CNTNAP3B: variants seen among roughly 807,000 people sequenced by gnomAD.
CNTNAP3B encodes the protein contactin associated protein family member 3B, also known as contactin-associated protein-like 3B.
A neutral mutation model predicts 108.9 loss-of-function variants in CNTNAP3B; 25 were observed. The observed-to-expected ratio is 0.23, with a 90% CI of 0.17 to 0.32. The LOEUF (loss-of-function observed/expected upper bound fraction) is 0.32, where lower values mean the gene tolerates loss of function less well. Ranked by LOEUF, CNTNAP3B falls within the 10% of genes least tolerant of loss-of-function variation. The pLI is 1.00. For synonymous variants in CNTNAP3B, 103 were observed against 473.4 expected (o/e 0.22, Z 10.16); for missense variants, 252 against 1,210.4 (o/e 0.21, Z 11.75).
At chr9:41,966,665 T>C (rs1460967965) in intron 10 of CNTNAP3B, among the ~76,000 whole-genome samples, 1 of 152,282 alleles carries the variant, frequency 6.6e-6, no homozygotes, top group African/African-American at 2.4e-5. Flanking sequence ...AAGAGGTGAT[T>C]AAGAAGTTAA....
intron 13 of CNTNAP3B, among the ~76,000 whole-genome samples, chr9:41,948,305 A>G (rs1271875330): frequency 7.9e-5 from 12 of 152,074 alleles, no homozygotes; most frequent in African/African-American, 2.9e-4. Flanking sequence ...TTGGCCAGGC[A>G]GGTCTCGAAC....
At chr9:41,955,937 C>A (rs1184388011) in intron 12 of CNTNAP3B, among the ~76,000 whole-genome samples, 1 of 152,170 alleles carries the variant, frequency 6.6e-6, no homozygotes, top group Admixed American at 6.5e-5. Context: ...ACCTACTGAA[C>A]CTAGCTCAAA....
intron 14 of CNTNAP3B, among the ~76,000 whole-genome samples, chr9:41,932,461 G>A (rs1824005825): frequency 2.0e-5 from 3 of 151,578 alleles, no homozygotes; most frequent in Admixed American, 2.0e-4. Flanking sequence ...AAGTTTGGGA[G>A]GTTGCAAAGA....
rs1454893627 is a variant in CNTNAP3B at position 42,123,793 on chromosome 9, A to G, written c.85+5217T>C. The stretch of plus-strand genomic sequence containing the variant: ...TTCCTGGAAAAATATACTATTATAC[A>G]TATATATTATATATTCAAAACTCCG... On this transcript the variant is annotated intron_variant, in intron 1 of 23. Coordinates refer to ENST00000377561, the MANE Select transcript of CNTNAP3B (RefSeq NM_001201380.3). 4.5e-5 allele frequency among the ~76,000 whole-genome samples: 6 copies of G among 134,490 alleles called. 2 individuals carry two copies. The highest frequency in any genetic ancestry group is 9.4e-5 in the Non-Finnish European group (6 of 63,728). 88.2% of individuals were successfully genotyped at this position (134,490 alleles called of 152,430 possible).
chr9:41,940,751 C>A (rs1824316291), intron 13 of CNTNAP3B, among the ~76,000 whole-genome samples: 1 of 152,024 alleles, frequency 6.6e-6, no homozygotes, highest in Admixed American at 6.5e-5. Context: ...GGAGGCGGAG[C>A]CTGCAGTGAG....
At chr9:41,931,242 T>G (rs1823969774) in intron 14 of CNTNAP3B, among the ~76,000 whole-genome samples, 1 of 152,288 alleles carries the variant, frequency 6.6e-6, no homozygotes, top group South Asian at 2.1e-4. Flanking sequence ...TGTGCTATTT[T>G]GATACTAGAA....
intron 1 of CNTNAP3B, among the ~76,000 whole-genome samples, chr9:42,120,754 T>C (rs538154395): frequency 8.6e-6 from 1 of 116,830 alleles, no homozygotes; most frequent in East Asian, 2.7e-4. Flanking sequence ...TTCTCACTCA[T>C]AGGTGGGAAC....
intron 18 of CNTNAP3B, among the ~76,000 whole-genome samples, chr9:41,912,985 A>T: frequency 3.2e-5 from 1 of 31,536 alleles, no homozygotes; most frequent in Admixed American, 3.6e-4. Context: ...TGGTTTTTCT[A>T]TTTCTCTTTT....
intron 3 of CNTNAP3B, among the ~76,000 whole-genome samples, chr9:42,041,330 T>C (rs1373097576): frequency 6.7e-6 from 1 of 149,548 alleles, no homozygotes; most frequent in Non-Finnish European, 1.5e-5. Context: ...ATTTTTGCAA[T>C]CTACCCATCT....
At chr9:42,126,957 T>A (rs1388996690) in intron 1 of CNTNAP3B, among the ~76,000 whole-genome samples, 1 of 138,662 alleles carries the variant, frequency 7.2e-6, no homozygotes, top group Non-Finnish European at 1.5e-5. Flanking sequence ...GAAAACCAGC[T>A]GTGAATAACG....
rs1482311164 is a variant in CNTNAP3B, at chr9:41,971,017, A to G, written c.1478-772T>C. 1.1e-4 allele frequency among the ~76,000 whole-genome samples: 16 copies of G among 151,306 alleles called. No individual in the cohort carries two copies. The East Asian group carries it at 2.1e-3, about 20-fold the overall frequency. On this transcript the variant is annotated intron_variant, in intron 9 of 23. Coordinates refer to ENST00000377561, the MANE Select transcript of CNTNAP3B (RefSeq NM_001201380.3). Reference sequence around the variant, plus strand: ...TAGACATTTGATTATTTCCAATATTAGAAGTTAAATATTAAAAATTTCACT... The same window carrying G: ...TAGACATTTGATTATTTCCAATATTGGAAGTTAAATATTAAAAATTTCACT...
Position 42,128,201 on chromosome 9 carries a change from A to G in CNTNAP3B, c.85+809T>C, listed in dbSNP as rs1321915318. ...TGTAAACATTTTTATGTGTGATAAA[A>G]TATGGGTACATTATGTTTTGCTCAT... On this transcript the variant is annotated intron_variant, in intron 1 of 23. Coordinates refer to ENST00000377561, the MANE Select transcript of CNTNAP3B (RefSeq NM_001201380.3). 4.3e-5 allele frequency among the ~76,000 whole-genome samples: 6 copies of G among 140,184 alleles called. 2 individuals are homozygous for G. The highest frequency in any genetic ancestry group is 9.2e-5 in the Non-Finnish European group (6 of 65,224). 92.0% of individuals were successfully genotyped at this position (140,184 alleles called of 152,430 possible).
intron 3 of CNTNAP3B, among the ~76,000 whole-genome samples, chr9:42,068,037 G>A (rs1827311588): frequency 7.2e-6 from 1 of 139,212 alleles, no homozygotes; most frequent in Admixed American, 7.2e-5. Context: ...TCAGTATCTG[G>A]GATAGCAGTA....
chr9:42,056,334 TA>T (rs1257310230), intron 3 of CNTNAP3B, among the ~76,000 whole-genome samples: 1 of 132,158 alleles, frequency 7.6e-6, no homozygotes, highest in African/African-American at 3.1e-5. Flanking sequence ...ATTTTATTAT[TA>T]TTATTATTAT....
intron 13 of CNTNAP3B, among the ~76,000 whole-genome samples, chr9:41,941,401 C>T (rs1195812320): frequency 1.3e-5 from 2 of 148,948 alleles, no homozygotes; most frequent in South Asian, 2.1e-4. Flanking sequence ...AGCAGAATGG[C>T]TATCTCATAA....
At position 42,026,858 on chromosome 9, in the gene CNTNAP3B, G is replaced by A. The variant is rs896224542; in HGVS notation, c.391-13333C>T. Reference sequence around the variant, plus strand: ...TTCCCCAGGAACCCAATCCTGCTGAGCCAAAGTAGATAATGGGAGACTTTT... The same window carrying A: ...TTCCCCAGGAACCCAATCCTGCTGAACCAAAGTAGATAATGGGAGACTTTT... On this transcript the variant is annotated intron_variant, in intron 3 of 23. Transcript: ENST00000377561. 2.3e-5 allele frequency among the ~76,000 whole-genome samples: 3 copies of A among 133,206 alleles called. 1 individual carries two copies. The highest frequency in any genetic ancestry group is 3.2e-5 in the Non-Finnish European group (2 of 63,476). 87.4% of individuals were successfully genotyped at this position (133,206 alleles called of 152,430 possible).
chr9:42,056,326 T>TTTTA (rs1554753495), intron 3 of CNTNAP3B, among the ~76,000 whole-genome samples: 4,780 of 128,802 alleles, frequency 0.037, 146 homozygotes, highest in African/African-American at 0.065. Flanking sequence ...TCTCATGAAT[T>TTTTA]TTATTATTAT....
chr9:42,071,733 A>C lies in CNTNAP3B; in HGVS notation c.390+5136T>G, dbSNP rs1827382399. On this transcript the variant is annotated intron_variant, in intron 3 of 23. Transcript: ENST00000377561. ...GTGAGGGAAAGTTGTCAGACTCCAC[A>C]TATACTCTGAAGCTGTGACTGACAT... is the stretch of plus-strand genomic sequence containing the variant. 1.7e-5 allele frequency among the ~76,000 whole-genome samples: 2 copies of C among 119,638 alleles called. 1 individual carries two copies. The highest frequency in any genetic ancestry group is 1.7e-4 in the Admixed American group (2 of 11,772). The allele number at this position is 119,638 out of a possible 152,430, so 78.5% of individuals were successfully genotyped here.
At chr9:41,937,206 C>T (rs1588051126) in intron 14 of CNTNAP3B, among the ~76,000 whole-genome samples, 1 of 149,754 alleles carries the variant, frequency 6.7e-6, no homozygotes, top group Admixed American at 6.6e-5. Context: ...CAGCTCACTG[C>T]AACCTCTACC....
Sources: gnomAD v4.1 joint callset for allele counts (sites outside exome capture counted in the v4.1 genomes callset) on GRCh38, gnomAD v4.1.1 for gene constraint, MANE v1.5 for transcripts, NCBI Gene and HGNC (gene_info 2026-07-23, HGNC 2026-07-21) for gene names.